The following ZNF429 variants were observed in gnomAD, a reference collection of about 807,000 sequenced individuals.
ZNF429 encodes the protein zinc finger protein 429.
A neutral mutation model predicts 56.8 loss-of-function variants in ZNF429; 53 were observed. The ratio of observed to expected loss-of-function variants is 0.93; its 90% CI spans 0.75 to 1.17. The LOEUF (loss-of-function observed/expected upper bound fraction) is 1.17. Ranked by LOEUF, ZNF429 falls within the 50% of genes most tolerant of loss-of-function variation. The pLI is 0.00. For synonymous variants in ZNF429, 278 were observed against 264.7 expected, an observed-to-expected ratio of 1.05 and a Z score of -0.49; for missense variants, 849 against 788.4, an observed-to-expected ratio of 1.08 and a Z score of -0.92.
chr19:21,535,105 G>A, intron 3 of ZNF429, among the ~76,000 whole-genome samples: 1 of 150,962 alleles, frequency 6.6e-6, no homozygotes, highest in Non-Finnish European at 1.5e-5. Context: ...GGGATTACAG[G>A]CGTGAGCCAC....
intron 1 of ZNF429, among the ~76,000 whole-genome samples, chr19:21,521,024 T>A (rs985818126): frequency 2.0e-5 from 3 of 152,252 alleles, no homozygotes; most frequent in Non-Finnish European, 4.4e-5. Context: ...AGACAATTTT[T>A]AAAAGTTCTA....
In ZNF429 at chr19:21,540,111, TATAAA is replaced by T. The variant is rs1190671359; in HGVS notation, c.*2036_*2040del. Among the ~76,000 whole-genome samples the T allele has an allele frequency of 6.6e-6, 1 of 152,252 alleles. No individual in the cohort carries two copies. Among genetic ancestry groups the T allele is most frequent in the Non-Finnish European group, 1.5e-5 (1 of 68,044 alleles). The stretch of plus-strand genomic sequence containing the variant: ...CATTTTAGTGATTGAGCTTTTATGT[TATAAA>T]ATGCAGTATATTTCAAAATTTTTAA... On this transcript the variant is annotated 3_prime_UTR_variant, in exon 4 of 4. Transcript: ENST00000358491.
Position 21,530,609 on chromosome 19 carries a change from GACCTA to G in ZNF429, c.153_157del (p.Leu52HisfsTer16). 1 of 1,609,108 alleles carries G rather than the reference GACCTA, an allele frequency of 6.2e-7. No homozygotes were observed. The highest frequency in any genetic ancestry group is 8.5e-7 in the Non-Finnish European group (1 of 1,177,998). ...AACAGGTATTGCTGTTTCTAAGCCA[GACCTA>G]ATCACTTGTCTAGAGAAAGAAAAAG... On this transcript the variant is annotated frameshift_variant, in exon 3 of 4. Transcript: ENST00000358491. LOFTEE classifies it high-confidence loss of function.
Position 21,535,499 on chromosome 19 carries a change from C to CT in ZNF429, c.227-778dup. On this transcript the variant is annotated intron_variant, in intron 3 of 3. Transcript: ENST00000358491. ...TTCTTTCTTTCTTTCTTTCTTTCTT[C>CT]TTTCTTTCTTTCTTTCCTTCTTTTT... Among the ~76,000 whole-genome samples the CT allele has an allele frequency of 2.4e-3, 155 of 64,864 alleles. 13 individuals carry two copies. Among genetic ancestry groups the CT allele is most frequent in the African/African-American group, 9.8e-3 (150 of 15,248 alleles). The allele number at this position is 64,864 out of a possible 152,430, so 42.6% of individuals were successfully genotyped here.
chr19:21,532,213 T>C, intron 3 of ZNF429, among the ~76,000 whole-genome samples: 1 of 151,100 alleles, frequency 6.6e-6, no homozygotes, highest in African/African-American at 2.4e-5. Flanking sequence ...AAGTGATCTA[T>C]AGATTCAGTG....
At position 21,528,807 on chromosome 19, in the gene ZNF429, T is replaced by C. The variant is rs74411456; in HGVS notation, c.4-851T>C. Reference sequence around the variant, plus strand: ...TGGTTAAATTCAGACTGTAATCTACTTTTAGGTAGCAAGATCACATCAGTG... The same window carrying C: ...TGGTTAAATTCAGACTGTAATCTACCTTTAGGTAGCAAGATCACATCAGTG... On this transcript the variant is annotated intron_variant, in intron 1 of 3. Coordinates refer to ENST00000358491, the MANE Select transcript of ZNF429 (RefSeq NM_001001415.4). Among the ~76,000 whole-genome samples, 707 of 152,322 alleles carry C rather than the reference T, an allele frequency of 4.6e-3. 7 individuals carry two copies. The highest frequency in any genetic ancestry group is 0.016 in the African/African-American group (671 of 41,558).
At position 21,535,464 on chromosome 19, in the gene ZNF429, C is replaced by CT; in HGVS notation, c.227-813dup. ...TCTTTCTTTCTTTCTTTCTTTCTTT[C>CT]TTTCTTTCTTTCTTTCTTTCTTTCT... On this transcript the variant is annotated intron_variant, in intron 3 of 3. Transcript: ENST00000358491. 8.1e-3 allele frequency among the ~76,000 whole-genome samples: 347 copies of CT among 42,742 alleles called. 30 individuals are homozygous for CT. Among genetic ancestry groups the CT allele is most frequent in the Middle Eastern group, 0.025 (2 of 80 alleles). 28.0% of individuals were successfully genotyped at this position (42,742 alleles called of 152,430 possible).
At chr19:21,535,419 TCTTTCTTTCTTTCTTTCTTTC>T in intron 3 of ZNF429, among the ~76,000 whole-genome samples, 1 of 3,330 alleles carries the variant, frequency 3.0e-4, no homozygotes, top group African/African-American at 1.5e-3. Context: ...TTCTTTTCTT[TCTTTCTTTCTTTCTTTCTTTC>T]TTTCTTTCTT....
chr19:21,523,819 C>G (rs921226338), intron 1 of ZNF429, among the ~76,000 whole-genome samples: 1 of 152,112 alleles, frequency 6.6e-6, no homozygotes, highest in Non-Finnish European at 1.5e-5. Flanking sequence ...GATGTATAAT[C>G]TAGAGTGTGC....
chr19:21,516,961 C>G (rs918941739), intron 1 of ZNF429, among the ~76,000 whole-genome samples: 1 of 152,148 alleles, frequency 6.6e-6, no homozygotes, highest in African/African-American at 2.4e-5. Flanking sequence ...TTGCTCTAGC[C>G]AGGACTTCCA....
intron 1 of ZNF429, among the ~76,000 whole-genome samples, chr19:21,510,336 C>T (rs890877859): frequency 2.6e-5 from 4 of 152,062 alleles, no homozygotes; most frequent in African/African-American, 2.4e-5. Flanking sequence ...GCCCAAAGTC[C>T]AGGAACCTCT....
intron 1 of ZNF429, among the ~76,000 whole-genome samples, chr19:21,514,488 T>C (rs1599443444): frequency 6.6e-6 from 1 of 152,148 alleles, no homozygotes; most frequent in South Asian, 2.1e-4. Flanking sequence ...CCTCCATTCA[T>C]GTTGCTGCAA....
chr19:21,538,277 CAAAAAAAAAAA>C lies in ZNF429; in HGVS notation c.*211_*221del, dbSNP rs531427318. On this transcript the variant is annotated 3_prime_UTR_variant, in exon 4 of 4. Transcript: ENST00000358491. ...TGGGTGACAGAGCCAGACTCCATCTCAAAAAAAAAAAAAAAAAAAAAAGAAAAGAAAATTCA... is the reference window on the plus strand; with the variant it reads ...TGGGTGACAGAGCCAGACTCCATCTCAAAAAAAAAAAGAAAAGAAAATTCA... Among the ~76,000 whole-genome samples the C allele has an allele frequency of 6.7e-4, 23 of 34,390 alleles. 1 individual carries two copies. Among genetic ancestry groups the C allele is most frequent in the East Asian group, 1.9e-3 (2 of 1,080 alleles). The allele number at this position is 34,390 out of a possible 152,430, so 22.6% of individuals were successfully genotyped here. A position where few individuals can be genotyped will look rare whatever the true frequency, so the allele number is the denominator to read the frequency against.
Position 21,537,277 on chromosome 19 carries a change from TTCC to T in ZNF429, c.1227_1229del (p.Ser410del). Reference sequence around the variant, plus strand: ...AAAAATGTGGCAGAGTTTTTACCTGTTCCTCAACACTTACTCAAGACAAGAAAA... The same window carrying T: ...AAAAATGTGGCAGAGTTTTTACCTGTTCAACACTTACTCAAGACAAGAAAA... On this transcript the variant is annotated inframe_deletion, in exon 4 of 4. Coordinates refer to ENST00000358491, the MANE Select transcript of ZNF429 (RefSeq NM_001001415.4). 2.5e-6 allele frequency: 4 copies of T among 1,611,542 alleles called. No individual in the cohort carries two copies. Among genetic ancestry groups the T allele is most frequent in the Non-Finnish European group, 3.4e-6 (4 of 1,179,370 alleles).
At chr19:21,530,959 C>T in intron 3 of ZNF429, among the ~76,000 whole-genome samples, 1 of 151,520 alleles carries the variant, frequency 6.6e-6, no homozygotes, top group Non-Finnish European at 1.5e-5. Flanking sequence ...TACAAAAGTT[C>T]ACTGGGCATG....
rs2032100508 is a variant in ZNF429, at chr19:21,505,692, G to T, written c.-80G>T. On this transcript the variant is annotated 5_prime_UTR_variant, in exon 1 of 4. Transcript: ENST00000358491. ...ATTTCTGTGTCCTTTGTTCTTAGAG[G>T]CCCAGCCTGTGTGGCCCTGTGACCC... The T allele has an allele frequency of 3.3e-6, 5 of 1,510,242 alleles. No individual in the cohort carries two copies. Among genetic ancestry groups the T allele is most frequent in the Non-Finnish European group, 4.6e-6 (5 of 1,096,162 alleles). The allele number at this position is 1,510,242 out of a possible 1,614,324, so 93.6% of individuals were successfully genotyped here. A position where few individuals can be genotyped will look rare whatever the true frequency, so the allele number is the denominator to read the frequency against.
At chr19:21,535,383 TA>T in intron 3 of ZNF429, among the ~76,000 whole-genome samples, 6 of 38,480 alleles carry the variant, frequency 1.6e-4, no homozygotes, top group African/African-American at 4.4e-4. Context: ...CTTTCTTTTT[TA>T]CTTTCTTTCT....
At chr19:21,524,394 G>A (rs2033091736) in intron 1 of ZNF429, among the ~76,000 whole-genome samples, 1 of 152,156 alleles carries the variant, frequency 6.6e-6, no homozygotes, top group Non-Finnish European at 1.5e-5. Context: ...CGAGTGTGGT[G>A]GCACATGCCT....
At chr19:21,527,445 G>C (rs937608997) in intron 1 of ZNF429, among the ~76,000 whole-genome samples, 1 of 152,144 alleles carries the variant, frequency 6.6e-6, no homozygotes, top group African/African-American at 2.4e-5. Context: ...TGATTCTAAG[G>C]TGAGGCCAGA....
Sources: allele counts gnomAD v4.1 joint callset (sites outside exome capture counted in the v4.1 genomes callset), GRCh38; gene constraint gnomAD v4.1.1; transcripts MANE v1.5; gene names NCBI Gene and HGNC (gene_info 2026-07-23, HGNC 2026-07-21).